Variants in ERICH3 observed in about 807,000 individuals in gnomAD.
ERICH3 encodes glutamate rich 3, also known as glutamate-rich protein 3.
Under a neutral mutation model 131.1 loss-of-function variants are expected in ERICH3, and 126 were observed. The observed-to-expected ratio is 0.96, with a 90% confidence interval of 0.83 to 1.11. The LOEUF is 1.11. Ranked by LOEUF, ERICH3 falls within the 50% of genes most tolerant of loss-of-function variation. ERICH3 has a pLI of 0.00. For missense variants in ERICH3, 2,050 were observed against 1,810.7 expected, an observed-to-expected ratio of 1.13 and a Z score of -2.40; for synonymous variants, 695 against 644.6, an observed-to-expected ratio of 1.08 and a Z score of -1.18.
Position 74,644,036 on chromosome 1 carries a change from A to C in ERICH3, c.244-938T>G, listed in dbSNP as rs570981914. ...ATATATTATTCTATAATTTAAAAAT[A>C]AGCCCCATGTAAAAATAATCTGCTT... On this transcript the variant is annotated intron_variant, in intron 3 of 14. Coordinates refer to ENST00000326665, the MANE Select transcript of ERICH3 (RefSeq NM_001002912.5). Among the ~76,000 whole-genome samples, 5 of 152,102 alleles carry C rather than the reference A, an allele frequency of 3.3e-5. No homozygotes were observed. In the South Asian group the frequency reaches 6.2e-4, roughly 19 times the overall value.
At position 74,576,095 on chromosome 1, in the gene ERICH3, G is replaced by A. The variant is rs186247526; in HGVS notation, c.2218+800C>T. ...GCCATTTACTAATTGTATAAACTGG[G>A]AAATAACACCTCTCTAATCTTTCAT... is the stretch of plus-strand genomic sequence containing the variant. On this transcript the variant is annotated intron_variant, in intron 13 of 14. Coordinates refer to ENST00000326665, the MANE Select transcript of ERICH3 (RefSeq NM_001002912.5). 2.6e-3 allele frequency among the ~76,000 whole-genome samples: 403 copies of A among 152,258 alleles called. 3 individuals are homozygous for A. The highest frequency in any genetic ancestry group is 3.6e-3 in the Non-Finnish European group (243 of 68,014).
rs905244045 is a variant in ERICH3, at chr1:74,606,538, C to A, written c.1489+63G>T. 13 of 1,488,864 alleles carry A rather than the reference C, an allele frequency of 8.7e-6. No homozygotes were observed. In the African/African-American group the frequency reaches 1.8e-4, roughly 21 times the overall value. The allele number at this position is 1,488,864 out of a possible 1,614,324, so 92.2% of individuals were successfully genotyped here. On this transcript the variant is annotated intron_variant, in intron 10 of 14. Transcript: ENST00000326665. ...GGGTATTTTTGAAAATTTTGATCAT[C>A]ACATTTCAAAGACAAACGAAACAGC...
At chr1:74,608,266 C>T (rs1024749100) in intron 9 of ERICH3, among the ~76,000 whole-genome samples, 1 of 151,970 alleles carries the variant, frequency 6.6e-6, no homozygotes, top group Non-Finnish European at 1.5e-5. Context: ...TCTGGCAAGA[C>T]CTGGATAAAA....
At chr1:74,663,861 T>C (rs936274719) in intron 1 of ERICH3, among the ~76,000 whole-genome samples, 1 of 152,090 alleles carries the variant, frequency 6.6e-6, no homozygotes, top group Non-Finnish European at 1.5e-5. Flanking sequence ...GAGTTTGGCT[T>C]TCTGTTACTT....
chr1:74,599,014 G>A (rs910775393), intron 11 of ERICH3, among the ~76,000 whole-genome samples: 15 of 151,738 alleles, frequency 9.9e-5, no homozygotes, highest in African/African-American at 3.6e-4. Context: ...TACTTAATAT[G>A]TGCACAGTTA....
intron 6 of ERICH3, among the ~76,000 whole-genome samples, chr1:74,632,247 G>A (rs1301673960): frequency 6.6e-6 from 1 of 152,012 alleles, no homozygotes; most frequent in Non-Finnish European, 1.5e-5. Context: ...TTTGAAGTGT[G>A]CTTTAAAGCA....
intron 7 of ERICH3, among the ~76,000 whole-genome samples, chr1:74,626,447 T>C (rs1649418831): frequency 6.6e-6 from 1 of 152,190 alleles, no homozygotes; most frequent in Non-Finnish European, 1.5e-5. Context: ...CTCAAACTAG[T>C]GTCATAAACT....
chr1:74,643,217 G>T, intron 3 of ERICH3, 119 bp from the exon 4 acceptor site: 1 of 667,246 alleles, frequency 1.5e-6, no homozygotes, highest in Non-Finnish European at 2.5e-6. Context: ...TCATTGAGAT[G>T]GAGAAGAATC....
At chr1:74,631,152 T>C (rs1382102204) in intron 7 of ERICH3, among the ~76,000 whole-genome samples, 4 of 152,098 alleles carry the variant, frequency 2.6e-5, no homozygotes, top group Admixed American at 2.6e-4. Context: ...TTTAACATAA[T>C]AAAAATGAAG....
intron 1 of ERICH3, among the ~76,000 whole-genome samples, chr1:74,669,205 C>A (rs557636222): frequency 6.6e-6 from 1 of 152,302 alleles, no homozygotes; most frequent in East Asian, 1.9e-4. Flanking sequence ...TCTGTCATTA[C>A]AGAAACACTT....
chr1:74,644,325 T>G (rs141212929), intron 3 of ERICH3, among the ~76,000 whole-genome samples: 17 of 152,168 alleles, frequency 1.1e-4, no homozygotes, highest in African/African-American at 4.1e-4. Flanking sequence ...ACTGTAGTCA[T>G]CCACATCTAC....
intron 11 of ERICH3, among the ~76,000 whole-genome samples, chr1:74,595,337 C>T (rs1403636333): frequency 6.6e-6 from 1 of 151,912 alleles, no homozygotes; most frequent in Non-Finnish European, 1.5e-5. Flanking sequence ...TATCAAATTC[C>T]AACTATGAAC....
At chr1:74,626,622 G>A (rs1649424302) in intron 7 of ERICH3, among the ~76,000 whole-genome samples, 1 of 152,296 alleles carries the variant, frequency 6.6e-6, no homozygotes, top group Non-Finnish European at 1.5e-5. Context: ...GCAGGCTGCT[G>A]TATAGAGTAG....
intron 7 of ERICH3, among the ~76,000 whole-genome samples, chr1:74,628,767 AAAGT>A (rs1189958385): frequency 6.6e-6 from 1 of 152,110 alleles, no homozygotes; most frequent in Non-Finnish European, 1.5e-5. Context: ...TTTAAGACAA[AAAGT>A]AATATGACAA....
rs1329804486 is a variant in ERICH3 at position 74,657,709 on chromosome 1, T to G, written c.24-8394A>C. Among the ~76,000 whole-genome samples the G allele has an allele frequency of 2.0e-5, 3 of 152,100 alleles. No homozygotes were observed. The South Asian group carries it at 6.2e-4, about 32-fold the overall frequency. Reference sequence around the variant, plus strand: ...TGTGCTGACTGCTGGCAAGACAGTTTTGCAGTGTTCACAGATGAGGCAATG... The same window carrying G: ...TGTGCTGACTGCTGGCAAGACAGTTGTGCAGTGTTCACAGATGAGGCAATG... On this transcript the variant is annotated intron_variant, in intron 1 of 14. Coordinates refer to ENST00000326665, the MANE Select transcript of ERICH3 (RefSeq NM_001002912.5).
At chr1:74,649,422 C>G (rs890038701) in intron 1 of ERICH3, 107 bp from the exon 2 acceptor site, 108 of 721,788 alleles carry the variant, frequency 1.5e-4, no homozygotes, top group Non-Finnish European at 2.1e-4. Context: ...ACTCATGCAG[C>G]CTGCCAGTCA....
intron 1 of ERICH3, among the ~76,000 whole-genome samples, chr1:74,658,328 A>T (rs1423906390): frequency 6.6e-6 from 1 of 152,202 alleles, no homozygotes; most frequent in Non-Finnish European, 1.5e-5. Context: ...GCTGAAATGC[A>T]GCTTTGGGTA....
intron 12 of ERICH3, among the ~76,000 whole-genome samples, chr1:74,588,111 G>T (rs1380717869): frequency 6.6e-6 from 1 of 152,152 alleles, no homozygotes; most frequent in Non-Finnish European, 1.5e-5. Flanking sequence ...GTTATTTTTG[G>T]TAACTTATTC....
chr1:74,669,650 G>A (rs932622955), intron 1 of ERICH3, among the ~76,000 whole-genome samples: 1 of 151,900 alleles, frequency 6.6e-6, no homozygotes, highest in African/African-American at 2.4e-5. Context: ...TGACTTCTAC[G>A]AAATTATGAT....
Sources: gnomAD v4.1 joint callset for allele counts (sites outside exome capture counted in the v4.1 genomes callset) on GRCh38, gnomAD v4.1.1 for gene constraint, MANE v1.5 for transcripts, NCBI Gene and HGNC (gene_info 2026-07-23, HGNC 2026-07-21) for gene names.